Variants in DAB1 observed in about 807,000 individuals in gnomAD.
DAB1 encodes disabled homolog 1.
Under a neutral mutation model 64.6 loss-of-function variants are expected in DAB1, and 15 were observed. The ratio of observed to expected loss-of-function variants is 0.23; its 90% CI spans 0.16 to 0.36. The LOEUF is 0.36. DAB1 is among the 10% of genes least tolerant of loss of function. The pLI, the probability that DAB1 is intolerant of heterozygous loss-of-function variation, is 1.00. For missense variants in DAB1, 596 were observed against 706.7 expected (o/e 0.84, Z 1.78); for synonymous variants, 235 against 251.9 (o/e 0.93, Z 0.64).
chr1:58,050,059 A>G (rs1355498132), intron 5 of DAB1, among the ~76,000 whole-genome samples: 2 of 152,182 alleles, frequency 1.3e-5, no homozygotes, highest in Non-Finnish European at 2.9e-5. Context: ...TAGATAGAGG[A>G]TTGTATGGAG....
intron 7 of DAB1, among the ~76,000 whole-genome samples, chr1:57,625,476 G>T (rs1436440653): frequency 6.6e-6 from 1 of 152,108 alleles, no homozygotes; most frequent in Non-Finnish European, 1.5e-5. Context: ...TTTTATGGGG[G>T]AGGCAAACAA....
At chr1:57,139,529 G>A (rs910467088) in intron 3 of DAB1, among the ~76,000 whole-genome samples, 10 of 152,274 alleles carry the variant, frequency 6.6e-5, no homozygotes, top group African/African-American at 2.4e-4. Flanking sequence ...AGTACTGAAA[G>A]GACTGTCAAA....
intron 4 of DAB1, among the ~76,000 whole-genome samples, chr1:58,334,776 C>T (rs1398768478): frequency 6.6e-6 from 1 of 151,584 alleles, no homozygotes; most frequent in Non-Finnish European, 1.5e-5. Context: ...TGAAGGGAAA[C>T]AATATGTGTG....
chr1:57,454,481 A>G (rs975656565), intron 7 of DAB1, among the ~76,000 whole-genome samples: 12 of 151,990 alleles, frequency 7.9e-5, no homozygotes, highest in African/African-American at 2.9e-4. Flanking sequence ...AAAGAAATGA[A>G]CAACAGACCC....
intron 5 of DAB1, among the ~76,000 whole-genome samples, chr1:58,125,839 G>C (rs757437497): frequency 4.6e-5 from 7 of 152,128 alleles, no homozygotes; most frequent in Admixed American, 4.6e-4. Flanking sequence ...AGGAATACCA[G>C]AAAGGTAAAG....
At chr1:57,110,474 A>G (rs1054272914) in intron 4 of DAB1, among the ~76,000 whole-genome samples, 2 of 152,232 alleles carry the variant, frequency 1.3e-5, no homozygotes, top group Non-Finnish European at 2.9e-5. Flanking sequence ...AGGTAAATTC[A>G]TTCAGTGACA....
chr1:58,330,930 C>T (rs1156391030), intron 4 of DAB1, among the ~76,000 whole-genome samples: 1 of 152,166 alleles, frequency 6.6e-6, no homozygotes, highest in Non-Finnish European at 1.5e-5. Flanking sequence ...ATTCATTCTG[C>T]AGTCCATTGA....
At chr1:57,946,534 T>A (rs1645186448) in intron 5 of DAB1, among the ~76,000 whole-genome samples, 1 of 152,202 alleles carries the variant, frequency 6.6e-6, no homozygotes, top group Admixed American at 6.5e-5. Context: ...CAACAGGCTC[T>A]TTGCTTTGGG....
intron 1 of DAB1, chr1:57,876,387 GA>G (rs368177793): frequency 1.1e-4 from 16 of 152,378 alleles, no homozygotes; most frequent in African/African-American, 3.6e-4. Flanking sequence ...ACGATGATAT[GA>G]AAAAGCCAGA....
At chr1:57,934,342 A>T (rs1179736093) in intron 5 of DAB1, among the ~76,000 whole-genome samples, 1 of 152,192 alleles carries the variant, frequency 6.6e-6, no homozygotes, top group African/African-American at 2.4e-5. Context: ...AACATCTATG[A>T]ACCACAGAAT....
chr1:58,076,790 T>C (rs573920887), intron 5 of DAB1, among the ~76,000 whole-genome samples: 4 of 152,180 alleles, frequency 2.6e-5, no homozygotes, highest in Non-Finnish European at 5.9e-5. Flanking sequence ...CCAAGGGCTC[T>C]GAAGGCAGTG....
In DAB1 at chr1:58,413,515, T is replaced by C. The variant is rs535749270; in HGVS notation, n.258-70112A>G. 2.0e-5 allele frequency among the ~76,000 whole-genome samples: 3 copies of C among 152,216 alleles called. No homozygotes were observed. The South Asian group carries it at 6.2e-4, about 32-fold the overall frequency. The stretch of plus-strand genomic sequence containing the variant: ...TGCTCTTATCCATCAAACTGCACTG[T>C]CTCCCTGTGATTCCCACTATATGAT... On this transcript the variant is annotated intron_variant and non_coding_transcript_variant, in intron 3 of 20. Coordinates refer to the DAB1 transcript ENST00000485760.
intron 4 of DAB1, among the ~76,000 whole-genome samples, chr1:58,215,794 G>C (rs562751195): frequency 3.7e-4 from 56 of 152,280 alleles, no homozygotes; most frequent in African/African-American, 1.3e-3. Flanking sequence ...GTGAGTTTCA[G>C]ACACACAGAT....
intron 6 of DAB1, among the ~76,000 whole-genome samples, chr1:57,698,433 A>G (rs1349901657): frequency 1.3e-5 from 2 of 152,154 alleles, no homozygotes; most frequent in Non-Finnish European, 1.5e-5. Flanking sequence ...ATAACTCAAG[A>G]AAAACAACTA....
At chr1:57,679,381 T>A (rs1411769180) in intron 6 of DAB1, among the ~76,000 whole-genome samples, 2 of 152,174 alleles carry the variant, frequency 1.3e-5, no homozygotes, top group African/African-American at 4.8e-5. Context: ...AAGGCACCTA[T>A]TAACTGTGGA....
intron 3 of DAB1, among the ~76,000 whole-genome samples, chr1:58,466,865 T>C (rs1288603143): frequency 3.9e-5 from 6 of 152,128 alleles, no homozygotes; most frequent in Non-Finnish European, 8.8e-5. Context: ...GGGGACTCCT[T>C]GTGGTGGGTG....
intron 4 of DAB1, among the ~76,000 whole-genome samples, chr1:58,218,559 TG>T (rs1371243507): frequency 1.3e-5 from 2 of 152,048 alleles, no homozygotes; most frequent in Non-Finnish European, 2.9e-5. Flanking sequence ...TACATGAGAA[TG>T]TTTGTGTTTT....
At chr1:58,534,497 CAA>C (rs1237838722) in intron 1 of DAB1, among the ~76,000 whole-genome samples, 1 of 152,178 alleles carries the variant, frequency 6.6e-6, no homozygotes, top group Non-Finnish European at 1.5e-5. Flanking sequence ...ATTATTCATG[CAA>C]AGACAATGTG....
intron 5 of DAB1, among the ~76,000 whole-genome samples, chr1:57,896,275 C>A (rs1644390369): frequency 6.6e-6 from 1 of 152,054 alleles, no homozygotes; most frequent in Non-Finnish European, 1.5e-5. Flanking sequence ...AAGGGAAAGT[C>A]CTATATCAGT....
Sources: allele counts gnomAD v4.1 joint callset (sites outside exome capture counted in the v4.1 genomes callset), GRCh38; gene constraint gnomAD v4.1.1; transcripts MANE v1.5; gene names NCBI Gene and HGNC (gene_info 2026-07-23, HGNC 2026-07-21).